Variants in PPP2R1B observed in about 807,000 individuals in gnomAD.
PPP2R1B encodes the protein serine/threonine-protein phosphatase 2A 65 kDa regulatory subunit A beta isoform.
PPP2R1B carries 58 observed loss-of-function variants against 72.7 expected under a neutral mutation model. That is an observed-to-expected ratio of 0.80 (90% confidence interval 0.65 to 0.99). The LOEUF is 0.99. PPP2R1B is among the 50% of genes least tolerant of loss of function. PPP2R1B has a pLI of 0.00. For synonymous variants in PPP2R1B, 256 were observed against 264.6 expected, an observed-to-expected ratio of 0.97 and a Z score of 0.32; for missense variants, 695 against 733.6, an observed-to-expected ratio of 0.95 and a Z score of 0.61.
rs1944516493 is a variant in PPP2R1B at position 111,741,462 on chromosome 11, T to C, written c.*134A>G. On this transcript the variant is annotated 3_prime_UTR_variant, in exon 15 of 15. Coordinates refer to ENST00000527614, the MANE Select transcript of PPP2R1B (RefSeq NM_002716.5). Reference sequence around the variant, plus strand: ...TAGAAAGAATTAAGTCACTAAATGATTTCTTCTAAGTTGTTGCCATTTGCT... The same window carrying C: ...TAGAAAGAATTAAGTCACTAAATGACTTCTTCTAAGTTGTTGCCATTTGCT... The C allele has an allele frequency of 2.0e-6, 3 of 1,478,894 alleles. No individual in the cohort carries two copies. The highest frequency in any genetic ancestry group is 2.7e-6 in the Non-Finnish European group (3 of 1,118,010). The allele number at this position is 1,478,894 out of a possible 1,614,324, so 91.6% of individuals were successfully genotyped here.
chr11:111,730,110 G>A (rs1386470304), intron 15 of PPP2R1B: 1 of 152,290 alleles, frequency 6.6e-6, no homozygotes, highest in African/African-American at 2.4e-5. Flanking sequence ...TTACTTTTAG[G>A]ATTAAAAAAG....
chr11:111,705,797 A>C, the PPP2R1B span, among the ~76,000 whole-genome samples: 2 of 152,374 alleles, frequency 1.3e-5, no homozygotes, highest in South Asian at 4.1e-4. The surrounding 1 kb of genome is among the most constrained non-coding windows in gnomAD (Gnocchi z 4.3). Context: ...TCGATGCTTT[A>C]AGCTAATTAA....
chr11:111,711,498 T>C, the PPP2R1B span, among the ~76,000 whole-genome samples: 1 of 152,218 alleles, frequency 6.6e-6, no homozygotes, highest in Non-Finnish European at 1.5e-5. Context: ...GAGAACAGAC[T>C]TCAAACCATC....
downstream of PPP2R1B, chr11:111,725,193 A>G (rs1943928700): frequency 6.6e-6 from 1 of 152,590 alleles, no homozygotes; most frequent in African/African-American, 2.4e-5. Flanking sequence ...TCATGCTTTA[A>G]TTCTTTCTTT....
chr11:111,697,691 G>T, the PPP2R1B span, among the ~76,000 whole-genome samples: 2 of 152,030 alleles, frequency 1.3e-5, no homozygotes, highest in African/African-American at 2.4e-5. Context: ...TTCTTCAGAT[G>T]ATTACAAATA....
chr11:111,743,540 AGGTC>A lies in PPP2R1B; in HGVS notation c.1400-14_1400-11del. 1 of 1,597,852 alleles carries A rather than the reference AGGTC, an allele frequency of 6.3e-7. No individual in the cohort carries two copies. The highest frequency in any genetic ancestry group is 1.8e-5 in the Admixed American group (1 of 54,726). ...TCTCGGATGGCGTATACTGCAGAAG[AGGTC>A]AAAAACATGTTCTCATATCGCTTAT... is the stretch of plus-strand genomic sequence containing the variant. On this transcript the variant is annotated splice_polypyrimidine_tract_variant and intron_variant, in intron 11 of 14. Coordinates refer to ENST00000527614, the MANE Select transcript of PPP2R1B (RefSeq NM_002716.5).
the PPP2R1B span, among the ~76,000 whole-genome samples, chr11:111,721,447 CA>C: frequency 3.3e-5 from 5 of 152,194 alleles, no homozygotes; most frequent in African/African-American, 1.2e-4. Context: ...GATGTGGTAT[CA>C]CTTTAGTAAA....
chr11:111,743,589 A>G, intron 11 of PPP2R1B, 59 bp from the exon 12 acceptor site: 20 of 1,547,118 alleles, frequency 1.3e-5, no homozygotes, highest in Non-Finnish European at 1.7e-5. Context: ...AGCATAACCT[A>G]GTTTACTTAC....
chr11:111,719,696 G>T, the PPP2R1B span: 4 of 1,397,922 alleles, frequency 2.9e-6, no homozygotes, highest in Admixed American at 8.0e-5. Context: ...TTCGCCACAA[G>T]TCTTGACATG....
chr11:111,706,503 C>G, the PPP2R1B span, among the ~76,000 whole-genome samples: 1 of 152,090 alleles, frequency 6.6e-6, no homozygotes, highest in Non-Finnish European at 1.5e-5. Flanking sequence ...AAAATAAGGG[C>G]AGGAGAGTTT....
chr11:111,754,618 A>T (rs781944512), intron 7 of PPP2R1B, 49 bp from the exon 8 acceptor site: 1 of 1,579,026 alleles, frequency 6.3e-7, no homozygotes, highest in South Asian at 1.2e-5. Flanking sequence ...CCATTTACAA[A>T]GAGCCAAATG....
chr11:111,745,729 T>G (rs1210172860), intron 11 of PPP2R1B, among the ~76,000 whole-genome samples: 1 of 152,210 alleles, frequency 6.6e-6, no homozygotes, highest in East Asian at 1.9e-4. Context: ...CATTCCTCCC[T>G]CTGATCAAAA....
chr11:111,758,547 A>G (rs1945209914), intron 5 of PPP2R1B, among the ~76,000 whole-genome samples: 1 of 152,084 alleles, frequency 6.6e-6, no homozygotes, highest in African/African-American at 2.4e-5. Context: ...CCGAGATTGC[A>G]CCACTGCACT....
the PPP2R1B span, among the ~76,000 whole-genome samples, chr11:111,707,396 C>T: frequency 6.6e-6 from 1 of 152,158 alleles, no homozygotes; most frequent in Non-Finnish European, 1.5e-5. Context: ...GGTTCAGATA[C>T]ATAAACGTGA....
the PPP2R1B span, among the ~76,000 whole-genome samples, chr11:111,719,518 T>C: frequency 6.6e-6 from 1 of 152,120 alleles, no homozygotes; most frequent in Non-Finnish European, 1.5e-5. Flanking sequence ...AGTTGTTTAT[T>C]GTAATAATGA....
the PPP2R1B span, among the ~76,000 whole-genome samples, chr11:111,698,221 G>T: frequency 6.6e-6 from 1 of 152,184 alleles, no homozygotes; most frequent in African/African-American, 2.4e-5. Context: ...AGCTTTCTTT[G>T]TGCTAGATTT....
At chr11:111,733,923 C>T (rs1282109937), downstream of PPP2R1B, among the ~76,000 whole-genome samples, 1 of 152,200 alleles carries the variant, frequency 6.6e-6, no homozygotes, top group Non-Finnish European at 1.5e-5. Flanking sequence ...GGAGCCACCA[C>T]CTGGCCACCC....
rs1591672901 is a variant in PPP2R1B at position 111,738,729 on chromosome 11, T to C, written c.*2867A>G. The C allele has an allele frequency of 2.0e-6, 2 of 985,244 alleles. No homozygotes were observed. The highest frequency in any genetic ancestry group is 3.5e-5 in the African/African-American group (2 of 57,214). The allele number at this position is 985,244 out of a possible 1,614,324, so 61.0% of individuals were successfully genotyped here. On this transcript the variant is annotated 3_prime_UTR_variant, in exon 15 of 15. Coordinates refer to ENST00000527614, the MANE Select transcript of PPP2R1B (RefSeq NM_002716.5). ...CTTCCTTCTTATGAAACAAGATGCA[T>C]CCTCAGGTTCACATCTTCTTGGTAG... is the stretch of plus-strand genomic sequence containing the variant.
chr11:111,689,580 C>A, the PPP2R1B span, among the ~76,000 whole-genome samples: 1 of 151,792 alleles, frequency 6.6e-6, no homozygotes, highest in South Asian at 2.1e-4. Context: ...GTGTTTTGTT[C>A]TAAGATTGTT....
Sources: gnomAD v4.1 joint callset for allele counts (sites outside exome capture counted in the v4.1 genomes callset) on GRCh38, gnomAD v4.1.1 for gene constraint, Gnocchi (gnomAD v3.1) non-coding constraint, MANE v1.5 for transcripts, NCBI Gene and HGNC (gene_info 2026-07-23, HGNC 2026-07-21) for gene names.